Variants in VPS36 observed in about 807,000 individuals in gnomAD.
The protein encoded by VPS36 is vacuolar protein sorting 36 homolog.
A neutral mutation model predicts 63.5 loss-of-function variants in VPS36; 31 were observed. The ratio of observed to expected loss-of-function variants is 0.49; its 90% CI spans 0.37 to 0.66. The LOEUF (loss-of-function observed/expected upper bound fraction) is 0.66, where lower values mean the gene tolerates loss of function less well. Ranked by LOEUF, VPS36 falls within the 30% of genes least tolerant of loss-of-function variation. The pLI is 0.00. For missense variants in VPS36, 338 were observed against 463.7 expected, an observed-to-expected ratio of 0.73 and a Z score of 2.49; for synonymous variants, 138 against 157.2, an observed-to-expected ratio of 0.88 and a Z score of 0.91.
chr13:52,417,221 C>G, intron 11 of VPS36, 80 bp from the exon 12 acceptor site: 3 of 1,220,986 alleles, frequency 2.5e-6, no homozygotes, highest in Non-Finnish European at 3.6e-6. Context: ...TCTTTTATAC[C>G]TTCTTTTATG....
chr13:52,419,538 G>A (rs760509846), intron 10 of VPS36, among the ~76,000 whole-genome samples: 3 of 152,184 alleles, frequency 2.0e-5, no homozygotes, highest in Non-Finnish European at 4.4e-5. Context: ...CTTACACATT[G>A]TTGGTGGGAA....
At position 52,445,323 on chromosome 13, in the gene VPS36, G is replaced by C. The variant is rs369639854; in HGVS notation, c.97-2878C>G. On this transcript the variant is annotated intron_variant, in intron 1 of 13. Coordinates refer to ENST00000378060, the MANE Select transcript of VPS36 (RefSeq NM_016075.4). Reference sequence around the variant, plus strand: ...ATGAGTAAATTTCCCTTCTCCAAAAGCAAATATTTAATTATCTTAAGAGTA... The same window carrying C: ...ATGAGTAAATTTCCCTTCTCCAAAACCAAATATTTAATTATCTTAAGAGTA... Among the ~76,000 whole-genome samples, 35 of 152,186 alleles carry C rather than the reference G, an allele frequency of 2.3e-4. 1 individual carries two copies. In the East Asian group the frequency reaches 3.3e-3, roughly 14 times the overall value.
At chr13:52,438,947 T>C (rs1314851048) in intron 3 of VPS36, 151 bp downstream of exon 3, 1 of 579,448 alleles carries the variant, frequency 1.7e-6, no homozygotes, top group East Asian at 2.9e-5. Flanking sequence ...TTATGACCCA[T>C]GTATAATAAA....
At chr13:52,445,044 G>T (rs1158175014) in intron 1 of VPS36, among the ~76,000 whole-genome samples, 2 of 152,160 alleles carry the variant, frequency 1.3e-5, no homozygotes. Context: ...TAAATAATAT[G>T]GTTAGTAAAC....
At chr13:52,441,305 G>C (rs545222592) in intron 2 of VPS36, among the ~76,000 whole-genome samples, 1 of 152,038 alleles carries the variant, frequency 6.6e-6, no homozygotes. Flanking sequence ...ATTTCACAGG[G>C]GTCTGGGGGA....
intron 3 of VPS36, among the ~76,000 whole-genome samples, chr13:52,437,100 T>C (rs1958226905): frequency 6.6e-6 from 1 of 152,102 alleles, no homozygotes; most frequent in Admixed American, 6.6e-5. Flanking sequence ...TCTATAAAGA[T>C]TTGGGAAACT....
At chr13:52,416,304 T>C (rs979984162) in intron 12 of VPS36, 3 of 537,584 alleles carry the variant, frequency 5.6e-6, no homozygotes, top group South Asian at 2.4e-5. Context: ...AGAAGAGACA[T>C]AGTAGAGGCT....
At position 52,417,121 on chromosome 13, in the gene VPS36, C is replaced by G; in HGVS notation, c.926G>C (p.Gly309Ala). 6.2e-7 allele frequency: 1 copy of G among 1,614,012 alleles called. No individual in the cohort carries two copies. Among genetic ancestry groups the G allele is most frequent in the Non-Finnish European group, 8.5e-7 (1 of 1,179,996 alleles). Residue 309 changes from glycine (G) to alanine (A), a missense_variant, in exon 12 of 14, where the codon GGC becomes GCC. Gly to Ala is a moderately conservative substitution (Grantham distance 60). Transcript: ENST00000378060. ...AGACTGAAGCTCAATTACCATGACG[C>G]CACTGTCAAACACACGGAGCCTGAA... ...LPLRLRVFDS[G>A]VMVIELQSHK...
intron 4 of VPS36, chr13:52,436,018 G>A (rs970667572): frequency 4.0e-5 from 12 of 300,060 alleles, no homozygotes; most frequent in Non-Finnish European, 6.2e-5. Context: ...GCTAGCAGGC[G>A]AATGGCATGA....
Position 52,414,284 on chromosome 13 carries a change from T to A in VPS36, c.*1546A>T, listed in dbSNP as rs1252622264. 1 of 152,166 alleles carries A rather than the reference T, an allele frequency of 6.6e-6. No homozygotes were observed. Among genetic ancestry groups the A allele is most frequent in the Admixed American group, 6.6e-5 (1 of 15,264 alleles). The allele number at this position is 152,166 out of a possible 1,614,324, so 9.4% of individuals were successfully genotyped here. A position where few individuals can be genotyped will look rare whatever the true frequency, so the allele number is the denominator to read the frequency against. ...AAACAAGCTTACACAATGGTCCAAC[T>A]AACCCCTAAAAGACTTGGGCAGTCA... On this transcript the variant is annotated 3_prime_UTR_variant, in exon 14 of 14. Transcript: ENST00000378060.
chr13:52,430,318 G>T (rs1282562899), intron 6 of VPS36, among the ~76,000 whole-genome samples: 3 of 151,850 alleles, frequency 2.0e-5, no homozygotes, highest in South Asian at 4.2e-4. Context: ...AGTCCCAGAA[G>T]AAAAAAAATC....
At chr13:52,424,024 A>AT (rs1958072288) in intron 9 of VPS36, among the ~76,000 whole-genome samples, 1 of 151,762 alleles carries the variant, frequency 6.6e-6, no homozygotes, top group Non-Finnish European at 1.5e-5. Context: ...CACCCAGCTA[A>AT]TTTTTTTGTA....
chr13:52,436,636 G>C (rs1207449314), intron 3 of VPS36, among the ~76,000 whole-genome samples: 1 of 152,050 alleles, frequency 6.6e-6, no homozygotes, highest in Admixed American at 6.6e-5. Flanking sequence ...CAAGTTACTA[G>C]CTCTGTAGAT....
chr13:52,443,474 C>G (rs1327897196), intron 1 of VPS36, among the ~76,000 whole-genome samples: 1 of 152,142 alleles, frequency 6.6e-6, no homozygotes, highest in African/African-American at 2.4e-5. Context: ...TGAACACGTG[C>G]TGACAAAAGA....
At chr13:52,438,466 C>T (rs562540328) in intron 3 of VPS36, among the ~76,000 whole-genome samples, 1 of 152,158 alleles carries the variant, frequency 6.6e-6, no homozygotes, top group Non-Finnish European at 1.5e-5. Context: ...CCTAATTATG[C>T]TAAACCTAAA....
intron 1 of VPS36, among the ~76,000 whole-genome samples, chr13:52,445,220 T>G (rs943286944): frequency 6.6e-6 from 1 of 152,232 alleles, no homozygotes; most frequent in Admixed American, 6.5e-5. Context: ...CAGTCTGGCT[T>G]CAAACATTTT....
chr13:52,420,074 C>T (rs1337402839), intron 10 of VPS36, among the ~76,000 whole-genome samples: 7 of 152,042 alleles, frequency 4.6e-5, no homozygotes, highest in African/African-American at 1.7e-4. Context: ...AACCCCGTCT[C>T]TACTAAAAAT....
intron 9 of VPS36, among the ~76,000 whole-genome samples, chr13:52,424,711 C>T (rs1345433399): frequency 6.6e-6 from 1 of 152,218 alleles, no homozygotes; most frequent in Non-Finnish European, 1.5e-5. Context: ...ACTAGGCCGG[C>T]ACGGTGGCTC....
chr13:52,427,302 C>T, intron 6 of VPS36, 83 bp from the exon 7 acceptor site: 1 of 1,505,666 alleles, frequency 6.6e-7, no homozygotes. Flanking sequence ...CTATTTTTTC[C>T]CCATAAAAAT....
Sources: allele counts gnomAD v4.1 joint callset (sites outside exome capture counted in the v4.1 genomes callset), GRCh38; gene constraint gnomAD v4.1.1; transcripts MANE v1.5; gene names NCBI Gene and HGNC (gene_info 2026-07-23, HGNC 2026-07-21).